The following USP46 variants were observed in gnomAD, a reference collection of about 807,000 sequenced individuals.
USP46 encodes ubiquitin specific peptidase 46.
USP46 carries 12 observed loss-of-function variants against 44.4 expected under a neutral mutation model. The ratio of observed to expected loss-of-function variants is 0.27; its 90% CI spans 0.17 to 0.44. The LOEUF (loss-of-function observed/expected upper bound fraction) is 0.44, where lower values mean the gene tolerates loss of function less well. Ranked by LOEUF, USP46 falls within the 20% of genes least tolerant of loss-of-function variation. The pLI, the probability that USP46 is intolerant of heterozygous loss-of-function variation, is 1.00. For synonymous variants in USP46, 155 were observed against 161.5 expected, an observed-to-expected ratio of 0.96 and a Z score of 0.31; for missense variants, 248 against 444.8, an observed-to-expected ratio of 0.56 and a Z score of 3.98.
chr4:52,627,097 A>G (rs1314921431), intron 3 of USP46, among the ~76,000 whole-genome samples: 2 of 152,210 alleles, frequency 1.3e-5, no homozygotes, highest in African/African-American at 2.4e-5. Context: ...GCTCCCTGCC[A>G]TAAGGACAAA....
At chr4:52,647,581 G>A (rs1365677067) in intron 1 of USP46, among the ~76,000 whole-genome samples, 2 of 152,198 alleles carry the variant, frequency 1.3e-5, no homozygotes. Context: ...ACTACAGAAT[G>A]TGCTCTCATT....
intron 4 of USP46, among the ~76,000 whole-genome samples, chr4:52,611,013 CCCTTGTTGAGTCGTTT>C (rs1316044310): frequency 3.9e-5 from 6 of 152,378 alleles, no homozygotes; most frequent in Admixed American, 1.3e-4. Flanking sequence ...AGATGACCAT[CCCTTGTTGAGTCGTTT>C]CCACTTTTTG....
At chr4:52,623,982 C>G (rs1161063555) in intron 4 of USP46, among the ~76,000 whole-genome samples, 1 of 151,936 alleles carries the variant, frequency 6.6e-6, no homozygotes, top group East Asian at 1.9e-4. Flanking sequence ...AAACATACTG[C>G]CATTTTACCA....
intron 1 of USP46, among the ~76,000 whole-genome samples, chr4:52,632,955 A>G (rs1717915977): frequency 1.3e-5 from 1 of 76,436 alleles, no homozygotes; most frequent in Non-Finnish European, 2.4e-5. Context: ...AAAGAAAGAA[A>G]GAAAGAAAGA....
intron 1 of USP46, among the ~76,000 whole-genome samples, chr4:52,637,238 T>C (rs780734243): frequency 2.0e-5 from 3 of 152,172 alleles, no homozygotes; most frequent in East Asian, 1.9e-4. Flanking sequence ...ATGGCACTTT[T>C]AGGTGGCTGG....
intron 4 of USP46, among the ~76,000 whole-genome samples, chr4:52,614,600 A>G (rs1717052365): frequency 6.6e-6 from 1 of 152,236 alleles, no homozygotes; most frequent in South Asian, 2.1e-4. Flanking sequence ...AAGAGAATTC[A>G]TTGATATAAG....
At chr4:52,606,420 C>T (rs1261438060) in intron 5 of USP46, among the ~76,000 whole-genome samples, 2 of 152,156 alleles carry the variant, frequency 1.3e-5, no homozygotes, top group Admixed American at 6.5e-5. Context: ...GGGGAGGCCT[C>T]ACAATCATGG....
At position 52,592,129 on chromosome 4, in the gene USP46, T is replaced by C. The variant is rs1716043820; in HGVS notation, c.*5511A>G. On this transcript the variant is annotated 3_prime_UTR_variant, in exon 9 of 9. Transcript: ENST00000441222. ...TTGCAAGGAGTTTCCCCCACACGTG[T>C]TATTTCCACAACTTAAATTTTAAAT... 1.3e-5 allele frequency: 2 copies of C among 152,134 alleles called. No homozygotes were observed. The highest frequency in any genetic ancestry group is 2.9e-5 in the Non-Finnish European group (2 of 68,020). The allele number at this position is 152,134 out of a possible 1,614,324, so 9.4% of individuals were successfully genotyped here.
At chr4:52,658,292 A>G (rs1053372905) in intron 1 of USP46, 1 of 456,172 alleles carries the variant, frequency 2.2e-6, no homozygotes, top group African/African-American at 2.0e-5. Context: ...CTACAGAAAA[A>G]GGGAAAGCAA....
intron 1 of USP46, among the ~76,000 whole-genome samples, chr4:52,658,720 C>T (rs1719054041): frequency 6.6e-6 from 1 of 152,244 alleles, no homozygotes; most frequent in Non-Finnish European, 1.5e-5. Context: ...GTCTGGACGT[C>T]CAATAAGGCT....
Position 52,626,013 on chromosome 4 carries a change from C to T in USP46, c.561+5G>A. On this transcript the variant is annotated splice_donor_5th_base_variant and intron_variant, in intron 4 of 8. Transcript: ENST00000441222. ...GAGCTACATAAGAGCTCCCCTAGTA[C>T]TTACAGTTTCACAGTTCAAGCATCG... 6.2e-7 allele frequency: 1 copy of T among 1,612,910 alleles called. No individual in the cohort carries two copies. Among genetic ancestry groups the T allele is most frequent in the Non-Finnish European group, 8.5e-7 (1 of 1,179,464 alleles).
At chr4:52,619,998 T>C (rs997654255) in intron 4 of USP46, among the ~76,000 whole-genome samples, 1 of 152,196 alleles carries the variant, frequency 6.6e-6, no homozygotes, top group Non-Finnish European at 1.5e-5. Context: ...TGCACACTCA[T>C]CTACTTCTAC....
intron 7 of USP46, among the ~76,000 whole-genome samples, 188 bp downstream of exon 7, chr4:52,601,669 C>T (rs561604726): frequency 3.3e-5 from 5 of 152,088 alleles, no homozygotes; most frequent in African/African-American, 4.8e-5. Flanking sequence ...ATTATCATTA[C>T]TGGAATGCTC....
rs140343751 is a variant in USP46, at chr4:52,603,887, G to A, written c.722+614C>T. Reference sequence around the variant, plus strand: ...TTTAGTAGAGACGGGGTTTCACCATGTTGGCCAGGCTGGTCTCAAACTCCT... The same window carrying A: ...TTTAGTAGAGACGGGGTTTCACCATATTGGCCAGGCTGGTCTCAAACTCCT... On this transcript the variant is annotated intron_variant, in intron 6 of 8. Coordinates refer to ENST00000441222, the MANE Select transcript of USP46 (RefSeq NM_022832.4). 1.9e-3 allele frequency among the ~76,000 whole-genome samples: 285 copies of A among 152,198 alleles called. 1 individual carries two copies. The highest frequency in any genetic ancestry group is 6.3e-3 in the African/African-American group (260 of 41,530).
chr4:52,634,935 A>G (rs1718055226), intron 1 of USP46, among the ~76,000 whole-genome samples: 1 of 151,940 alleles, frequency 6.6e-6, no homozygotes, highest in South Asian at 2.1e-4. Context: ...ATTGTCTTTT[A>G]TTTCACTCCA....
chr4:52,647,972 T>C (rs909227863), intron 1 of USP46, among the ~76,000 whole-genome samples: 4 of 152,142 alleles, frequency 2.6e-5, no homozygotes, highest in Non-Finnish European at 4.4e-5. Context: ...TGGAAGAAAG[T>C]GGTAATGCAA....
At chr4:52,628,544 T>C (rs1432412300) in intron 2 of USP46, among the ~76,000 whole-genome samples, 6 of 152,156 alleles carry the variant, frequency 3.9e-5, no homozygotes, top group Admixed American at 6.5e-5. Context: ...AAGATGCACA[T>C]TGCAACATAT....
intron 1 of USP46, among the ~76,000 whole-genome samples, chr4:52,639,031 T>C (rs1434596076): frequency 6.6e-6 from 1 of 152,206 alleles, no homozygotes; most frequent in Non-Finnish European, 1.5e-5. Flanking sequence ...GCATTTTTCA[T>C]TGGTAACGTG....
intron 1 of USP46, among the ~76,000 whole-genome samples, chr4:52,643,590 G>C (rs990763879): frequency 1.3e-5 from 2 of 152,210 alleles, no homozygotes; most frequent in Non-Finnish European, 2.9e-5. Flanking sequence ...GCAGCAATTA[G>C]GTCTGATTCA....
Sources: allele counts gnomAD v4.1 joint callset (sites outside exome capture counted in the v4.1 genomes callset), GRCh38; gene constraint gnomAD v4.1.1; transcripts MANE v1.5; gene names NCBI Gene and HGNC (gene_info 2026-07-23, HGNC 2026-07-21).